GABRP: variants seen among roughly 807,000 people sequenced by gnomAD.
GABRP encodes the protein gamma-aminobutyric acid receptor subunit pi.
In GABRP, 52 loss-of-function variants were observed where a neutral mutation model predicts 47.8. The observed-to-expected ratio is 1.09, with a 90% CI of 0.87 to 1.37. The LOEUF is 1.37. Ranked by LOEUF, GABRP falls within the 40% of genes most tolerant of loss-of-function variation. GABRP has a pLI of 0.00. For synonymous variants in GABRP, 221 were observed against 205.8 expected (o/e 1.07, Z -0.63); for missense variants, 525 against 542.8 (o/e 0.97, Z 0.33).
rs748713828 is a variant in GABRP at position 170,805,813 on chromosome 5, G to A, written c.639G>A (p.Glu213=). The A allele has an allele frequency of 9.3e-6, 15 of 1,614,100 alleles. No individual in the cohort carries two copies. The East Asian group carries it at 1.1e-4, about 12-fold the overall frequency. ...EHLRLAQYTI[E]RYFTLVTRSQ... ...TGCGGCTTGCTCAGTACACCATAGA[G>A]CGGTATTTCACCTTAGTCACCAGAT... Residue 213 remains glutamate (E), a synonymous_variant, in exon 7 of 10, where the codon GAG becomes GAA. Transcript: ENST00000265294.
intron 6 of GABRP, 133 bp from the exon 7 acceptor site, chr5:170,805,583 G>A (rs1765710103): frequency 4.0e-6 from 4 of 988,810 alleles, no homozygotes; most frequent in Non-Finnish European, 5.9e-6. Flanking sequence ...GCTAAGTTCT[G>A]CATGGGATTG....
At chr5:170,791,539 C>A (rs1377759472) in intron 3 of GABRP, among the ~76,000 whole-genome samples, 2 of 152,240 alleles carry the variant, frequency 1.3e-5, no homozygotes, top group East Asian at 3.8e-4. Context: ...TGGGAGAAAG[C>A]TGCCCTCTGG....
At chr5:170,792,358 CT>C (rs1441435702) in intron 3 of GABRP, among the ~76,000 whole-genome samples, 1 of 151,678 alleles carries the variant, frequency 6.6e-6, no homozygotes, top group Non-Finnish European at 1.5e-5. Context: ...AGGAGAATCA[CT>C]TGAATCCAGG....
intron 6 of GABRP, among the ~76,000 whole-genome samples, chr5:170,802,590 A>C (rs1246863670): frequency 1.3e-5 from 2 of 152,216 alleles, no homozygotes; most frequent in African/African-American, 2.4e-5. Context: ...GGAAAAAGCT[A>C]TTACCTTCCG....
At chr5:170,810,773 C>A (rs1765861733) in intron 9 of GABRP, among the ~76,000 whole-genome samples, 1 of 152,084 alleles carries the variant, frequency 6.6e-6, no homozygotes, top group South Asian at 2.1e-4. Flanking sequence ...GTTGCTTTTT[C>A]CCTTGGGTTT....
intron 9 of GABRP, 118 bp from the exon 10 acceptor site, chr5:170,811,838 T>C (rs1252493437): frequency 1.1e-6 from 1 of 947,828 alleles, no homozygotes; most frequent in East Asian, 2.5e-5. Context: ...TCAATGCCAC[T>C]CTCTATTAAG....
intron 1 of GABRP, 168 bp from the exon 2 acceptor site, chr5:170,788,406 T>C (rs1043195272): frequency 2.0e-6 from 1 of 490,562 alleles, no homozygotes; most frequent in Admixed American, 3.6e-5. Flanking sequence ...AAGTCATTCC[T>C]GGAGGGAACA....
intron 6 of GABRP, among the ~76,000 whole-genome samples, chr5:170,804,624 G>T (rs1316377359): frequency 3.9e-5 from 6 of 151,936 alleles, no homozygotes; most frequent in Non-Finnish European, 8.8e-5. Context: ...GTATCTTTTT[G>T]TTTGCTTATG....
chr5:170,809,503 C>A lies in GABRP; in HGVS notation c.833-65C>A, dbSNP rs1162230557. On this transcript the variant is annotated intron_variant, in intron 8 of 9. Transcript: ENST00000265294. ...CTGCCAATTCTCAAATGGGGACACT[C>A]TGCCAGGCTATGGTGGAGGACTAAC... The A allele has an allele frequency of 1.3e-6, 2 of 1,523,480 alleles. 1 individual carries two copies. Among genetic ancestry groups the A allele is most frequent in the South Asian group, 2.3e-5 (2 of 87,508 alleles). The allele number at this position is 1,523,480 out of a possible 1,614,324, so 94.4% of individuals were successfully genotyped here.
intron 5 of GABRP, among the ~76,000 whole-genome samples, chr5:170,797,260 C>A (rs1461643110): frequency 6.6e-6 from 1 of 152,220 alleles, no homozygotes; most frequent in Non-Finnish European, 1.5e-5. Flanking sequence ...ATTCCAACTT[C>A]CTCCACTCTG....
Position 170,812,340 on chromosome 5 carries a change from A to T in GABRP, c.*82A>T. 9.4e-7 allele frequency: 1 copy of T among 1,060,686 alleles called. No individual in the cohort carries two copies. Among genetic ancestry groups the T allele is most frequent in the Non-Finnish European group, 1.4e-6 (1 of 717,056 alleles). 65.7% of individuals were successfully genotyped at this position (1,060,686 alleles called of 1,614,324 possible). A position where few individuals can be genotyped will look rare whatever the true frequency, so the allele number is the denominator to read the frequency against. ...AAATGGTATTTTAGGCCAAGTGTGC[A>T]CCCACATCCAATGGTGCTACAAGTG... On this transcript the variant is annotated 3_prime_UTR_variant, in exon 10 of 10. Transcript: ENST00000265294.
intron 1 of GABRP, among the ~76,000 whole-genome samples, chr5:170,787,134 A>G (rs1765149181): frequency 6.6e-6 from 1 of 152,200 alleles, no homozygotes; most frequent in Non-Finnish European, 1.5e-5. Context: ...ATCCATATTG[A>G]CACATCATTG....
In GABRP at chr5:170,808,832, T is replaced by G. The variant is rs115211744; in HGVS notation, c.832+80T>G. On this transcript the variant is annotated intron_variant, in intron 8 of 9. Coordinates refer to ENST00000265294, the MANE Select transcript of GABRP (RefSeq NM_014211.3). Reference sequence around the variant, plus strand: ...TTTTTCCTTTTACCATTGTCTTCATTGATATTCCTAAGGCAGTTCCAAGAG... The same window carrying G: ...TTTTTCCTTTTACCATTGTCTTCATGGATATTCCTAAGGCAGTTCCAAGAG... The G allele has an allele frequency of 1.9e-3, 2,450 of 1,266,644 alleles. 37 individuals carry two copies. The African/African-American group carries it at 0.033, about 17-fold the overall frequency. 78.5% of individuals were successfully genotyped at this position (1,266,644 alleles called of 1,614,324 possible).
In GABRP at chr5:170,797,499, G is replaced by C; in HGVS notation, c.492G>C (p.Leu164=). The part of the protein sequence containing the change: ...ITTTVACNMD[L]SKYPMDTQTC... The stretch of plus-strand genomic sequence containing the variant: ...CAACTGTTGCATGTAACATGGATCT[G>C]TCTAAATACCCCATGGACACACAGA... Residue 164 remains leucine, a synonymous_variant, in exon 6 of 10, where the codon CTG becomes CTC. Transcript: ENST00000265294. The C allele has an allele frequency of 6.2e-7, 1 of 1,613,042 alleles. No individual in the cohort carries two copies. The highest frequency in any genetic ancestry group is 8.5e-7 in the Non-Finnish European group (1 of 1,178,984).
In GABRP at chr5:170,790,370, C is replaced by T. The variant is rs148523135; in HGVS notation, c.172+1123C>T. Among the ~76,000 whole-genome samples, 24 of 152,208 alleles carry T rather than the reference C, an allele frequency of 1.6e-4. No homozygotes were observed. The East Asian group carries it at 4.4e-3, about 28-fold the overall frequency. On this transcript the variant is annotated intron_variant, in intron 3 of 9. Transcript: ENST00000265294. ...GGGAAGACTGAATGAAGTGTGTAAG[C>T]CTGAGGCACAGTGCCTGCCCCATCA...
chr5:170,798,093 C>G lies in GABRP; in HGVS notation c.541+545C>G, dbSNP rs184888755. Among the ~76,000 whole-genome samples, 355 of 152,314 alleles carry G rather than the reference C, an allele frequency of 2.3e-3. 2 individuals carry two copies. The highest frequency in any genetic ancestry group is 8.0e-3 in the African/African-American group (333 of 41,592). ...GTCTCGCTCTGTCGCCCAAGCTGGACTGTGGTGGCGCGATCTCGGCTCACT... is the reference window on the plus strand; with the variant it reads ...GTCTCGCTCTGTCGCCCAAGCTGGAGTGTGGTGGCGCGATCTCGGCTCACT... On this transcript the variant is annotated intron_variant, in intron 6 of 9. Coordinates refer to ENST00000265294, the MANE Select transcript of GABRP (RefSeq NM_014211.3).
At chr5:170,794,524 G>C (rs1397137273) in intron 4 of GABRP, 5 of 364,110 alleles carry the variant, frequency 1.4e-5, no homozygotes, top group Non-Finnish European at 2.5e-5. Context: ...TTGTAGAGCA[G>C]ATTTCCTGAG....
At position 170,794,249 on chromosome 5, in the gene GABRP, C is replaced by G. The variant is rs760507244; in HGVS notation, c.191C>G (p.Ala64Gly). ...ATCTTAGGAGAACCCGTACAGATAGCGCTGACTCTGGACATTGCAAGTATC... is the reference window on the plus strand; with the variant it reads ...ATCTTAGGAGAACCCGTACAGATAGGGCTGACTCTGGACATTGCAAGTATC... ...PNFGGEPVQI[A>G]LTLDIASISS... The change falls in exon 4 of 10, where the codon GCG (alanine) becomes GGG (glycine). Residue 64 changes from alanine (A) to glycine (G), a missense_variant. Physicochemically the swap from Ala to Gly is moderately conservative, Grantham distance 60 (BLOSUM62 0). Transcript: ENST00000265294. 6.2e-7 allele frequency: 1 copy of G among 1,611,230 alleles called. No individual in the cohort carries two copies. Among genetic ancestry groups the G allele is most frequent in the South Asian group, 1.1e-5 (1 of 90,842 alleles).
chr5:170,791,371 A>G (rs1212336324), intron 3 of GABRP, among the ~76,000 whole-genome samples: 1 of 152,246 alleles, frequency 6.6e-6, no homozygotes, highest in Non-Finnish European at 1.5e-5. Context: ...ACGGAGGGCC[A>G]TTGCTCTCTG....
Sources: gnomAD v4.1 joint callset for allele counts (sites outside exome capture counted in the v4.1 genomes callset) on GRCh38, gnomAD v4.1.1 for gene constraint, MANE v1.5 for transcripts, NCBI Gene and HGNC (gene_info 2026-07-23, HGNC 2026-07-21) for gene names.